The following MAST4 variants were observed in gnomAD, a reference collection of about 807,000 sequenced individuals.
The protein encoded by MAST4 is microtubule-associated serine/threonine-protein kinase 4.
A neutral mutation model predicts 162.7 loss-of-function variants in MAST4; 89 were observed. The ratio of observed to expected loss-of-function variants is 0.55; its 90% confidence interval spans 0.46 to 0.65. MAST4 has a LOEUF of 0.65. Among genes scored for constraint, MAST4 ranks in the 30% least tolerant of loss-of-function variants. The pLI is 0.00. For synonymous variants in MAST4, 1,479 were observed against 1,361.1 expected, an observed-to-expected ratio of 1.09 and a Z score of -1.91; for missense variants, 3,153 against 3,374.0, an observed-to-expected ratio of 0.93 and a Z score of 1.62.
At chr5:66,602,859 G>C (rs906008658) in intron 1 of MAST4, among the ~76,000 whole-genome samples, 2 of 152,178 alleles carry the variant, frequency 1.3e-5, no homozygotes, top group African/African-American at 2.4e-5. Context: ...ACAGACTTTG[G>C]CTAGGTTCTT....
chr5:66,709,953 T>C (rs1425972494), intron 1 of MAST4, among the ~76,000 whole-genome samples: 1 of 152,194 alleles, frequency 6.6e-6, no homozygotes, highest in East Asian at 1.9e-4. Flanking sequence ...GCTGTCTCCT[T>C]TTCCAGCCAG....
At chr5:66,636,118 C>T (rs1272803144) in intron 1 of MAST4, among the ~76,000 whole-genome samples, 1 of 151,932 alleles carries the variant, frequency 6.6e-6, no homozygotes, top group Admixed American at 6.6e-5. Flanking sequence ...CCACCACGCC[C>T]AGCTAATTTC....
intron 4 of MAST4, chr5:66,963,786 A>G: frequency 3.8e-6 from 3 of 779,738 alleles, no homozygotes; most frequent in East Asian, 2.4e-5. Flanking sequence ...TCACTTTTGG[A>G]GGTAAGCATG....
At chr5:66,824,766 A>G (rs565679636) in intron 3 of MAST4, among the ~76,000 whole-genome samples, 16 of 152,330 alleles carry the variant, frequency 1.1e-4, no homozygotes, top group Middle Eastern at 3.4e-3. Flanking sequence ...CTCCTAGTCT[A>G]CAAACCTGTA....
At chr5:66,699,770 G>A (rs989364483) in intron 1 of MAST4, among the ~76,000 whole-genome samples, 20 of 152,070 alleles carry the variant, frequency 1.3e-4, no homozygotes, top group African/African-American at 4.6e-4. Flanking sequence ...GTGGGGCGGG[G>A]GGGAAGGGAG....
At chr5:67,006,738 G>A (rs1218723798) in intron 4 of MAST4, among the ~76,000 whole-genome samples, 1 of 152,140 alleles carries the variant, frequency 6.6e-6, no homozygotes, top group Non-Finnish European at 1.5e-5. Context: ...GCTGCTCTGA[G>A]CCTGGCTTTA....
At chr5:66,733,082 A>G (rs971615084) in intron 1 of MAST4, among the ~76,000 whole-genome samples, 1 of 152,082 alleles carries the variant, frequency 6.6e-6, no homozygotes, top group Admixed American at 6.6e-5. Flanking sequence ...GTCTCATTCC[A>G]AGGCCACATT....
chr5:66,891,289 A>G lies in MAST4; in HGVS notation c.643-8662A>G, dbSNP rs369931154. On this transcript the variant is annotated intron_variant, in intron 3 of 28. Coordinates refer to ENST00000403625, the MANE Select transcript of MAST4 (RefSeq NM_001164664.2). ...CCCAGGAGTTAAGCATTTCCTCTCA[A>G]CTCCTGTGGATCCTGTACACACATT... 1.5e-4 allele frequency among the ~76,000 whole-genome samples: 22 copies of G among 150,966 alleles called. No individual in the cohort carries two copies. In the East Asian group the frequency reaches 1.6e-3, roughly 11 times the overall value.
chr5:66,697,905 T>G (rs1047106380), intron 1 of MAST4, among the ~76,000 whole-genome samples: 7 of 152,238 alleles, frequency 4.6e-5, no homozygotes, highest in African/African-American at 1.7e-4. Context: ...ACCAAAGTCT[T>G]CAGGAACTGC....
chr5:67,033,048 G>C (rs1235854930), intron 4 of MAST4, among the ~76,000 whole-genome samples: 1 of 151,850 alleles, frequency 6.6e-6, no homozygotes, highest in Non-Finnish European at 1.5e-5. Flanking sequence ...AAGACTTTCA[G>C]ATTAAGAATG....
intron 21 of MAST4, among the ~76,000 whole-genome samples, chr5:67,144,081 C>T (rs768778700): frequency 9.9e-5 from 15 of 152,222 alleles, no homozygotes; most frequent in East Asian, 1.9e-4. Context: ...TCAGGAACCC[C>T]GGCACCAACA....
chr5:67,160,680 A>G, intron 27 of MAST4, 88 bp downstream of exon 27: 1 of 1,418,090 alleles, frequency 7.1e-7, no homozygotes, highest in Non-Finnish European at 9.5e-7. Flanking sequence ...TATATGAAGA[A>G]GATCTATTTT....
intron 1 of MAST4, among the ~76,000 whole-genome samples, chr5:66,629,931 T>A (rs1360238732): frequency 6.6e-6 from 1 of 152,234 alleles, no homozygotes; most frequent in African/African-American, 2.4e-5. Context: ...ACTATTAACT[T>A]GTAAGTAACA....
intron 1 of MAST4, among the ~76,000 whole-genome samples, chr5:66,747,571 T>G (rs887565007): frequency 4.5e-4 from 68 of 152,332 alleles, no homozygotes; most frequent in Admixed American, 4.4e-3. Flanking sequence ...TTTGGTGGCA[T>G]GAACAATTTT....
At chr5:66,958,999 A>G in intron 4 of MAST4, 2 of 452,662 alleles carry the variant, frequency 4.4e-6, no homozygotes, top group Non-Finnish European at 7.9e-6. Context: ...CTTGATATGC[A>G]GAGCTGCAAG....
chr5:67,037,628 C>T (rs920970653), intron 4 of MAST4, among the ~76,000 whole-genome samples: 8 of 152,226 alleles, frequency 5.3e-5, no homozygotes, highest in African/African-American at 1.9e-4. Flanking sequence ...AATTGATTAA[C>T]TCTTTCTCCT....
intron 3 of MAST4, among the ~76,000 whole-genome samples, chr5:66,826,380 A>G (rs1273875629): frequency 2.0e-5 from 3 of 151,562 alleles, no homozygotes; most frequent in Non-Finnish European, 2.9e-5. Context: ...CCTATTTATC[A>G]CTCCCACCAC....
At chr5:66,798,704 A>G (rs972816784) in intron 3 of MAST4, among the ~76,000 whole-genome samples, 4 of 152,194 alleles carry the variant, frequency 2.6e-5, no homozygotes, top group Non-Finnish European at 5.9e-5. Flanking sequence ...AGGCGTATAC[A>G]TTTATCATTC....
At position 66,857,446 on chromosome 5, in the gene MAST4, T is replaced by C. The variant is rs180711012; in HGVS notation, c.643-42505T>C. ...CAAGAAGCAGAATTGCTGGGTTCTATAGTATACACATTTTTAACCTTAATG... is the reference window on the plus strand; with the variant it reads ...CAAGAAGCAGAATTGCTGGGTTCTACAGTATACACATTTTTAACCTTAATG... On this transcript the variant is annotated intron_variant, in intron 3 of 28. Transcript: ENST00000403625. 1.6e-4 allele frequency among the ~76,000 whole-genome samples: 25 copies of C among 152,368 alleles called. No homozygotes were observed. In the East Asian group the frequency reaches 4.6e-3, roughly 28 times the overall value.
Sources: gnomAD v4.1 joint callset for allele counts (sites outside exome capture counted in the v4.1 genomes callset) on GRCh38, gnomAD v4.1.1 for gene constraint, MANE v1.5 for transcripts, NCBI Gene and HGNC (gene_info 2026-07-23, HGNC 2026-07-21) for gene names.